The following GRIA2 variants were observed in gnomAD, a reference collection of about 807,000 sequenced individuals.
GRIA2 encodes the protein glutamate ionotropic receptor AMPA type subunit 2, also known as glutamate receptor 2.
Under a neutral mutation model 97.3 loss-of-function variants are expected in GRIA2, and 14 were observed. That is an observed-to-expected ratio of 0.14 (90% CI 0.10 to 0.23). The LOEUF is 0.23. GRIA2 is among the 10% of genes least tolerant of loss of function. The pLI, the probability that GRIA2 is intolerant of heterozygous loss-of-function variation, is 1.00. For missense variants in GRIA2, 558 were observed against 1,069.8 expected, an observed-to-expected ratio of 0.52 and a Z score of 6.67; for synonymous variants, 412 against 387.8, an observed-to-expected ratio of 1.06 and a Z score of -0.73.
chr4:157,340,060 T>C (rs1579376708), intron 11 of GRIA2, among the ~76,000 whole-genome samples: 1 of 151,922 alleles, frequency 6.6e-6, no homozygotes, highest in African/African-American at 2.4e-5. Context: ...CAAAAAACTT[T>C]TCATTTAAGT....
chr4:157,271,767 G>A (rs1732036152), intron 2 of GRIA2, among the ~76,000 whole-genome samples: 1 of 152,078 alleles, frequency 6.6e-6, no homozygotes. Context: ...CAGGCAATTA[G>A]CCTCTGTCCT....
At chr4:157,263,914 T>C (rs1044791683) in intron 2 of GRIA2, among the ~76,000 whole-genome samples, 3 of 152,120 alleles carry the variant, frequency 2.0e-5, no homozygotes, top group Admixed American at 6.6e-5. Context: ...TCTTTTCTAC[T>C]ATTTCTCTGT....
intron 12 of GRIA2, among the ~76,000 whole-genome samples, chr4:157,356,173 A>G (rs1232032596): frequency 2.3e-5 from 3 of 131,174 alleles, no homozygotes; most frequent in African/African-American, 8.7e-5. Flanking sequence ...ATATTTATAT[A>G]TATTTATATA....
intron 12 of GRIA2, among the ~76,000 whole-genome samples, chr4:157,355,732 A>G: frequency 9.6e-6 from 1 of 104,414 alleles, no homozygotes; most frequent in South Asian, 2.6e-4. Context: ...ATATTTATTT[A>G]TATATTTATT....
intron 3 of GRIA2, among the ~76,000 whole-genome samples, chr4:157,305,854 G>A (rs1048895565): frequency 1.3e-5 from 2 of 151,998 alleles, no homozygotes; most frequent in African/African-American, 4.8e-5. Flanking sequence ...CTGTCTTAGT[G>A]TCATAGGATA....
chr4:157,245,849 G>A (rs529115282), intron 2 of GRIA2, among the ~76,000 whole-genome samples: 2 of 151,964 alleles, frequency 1.3e-5, no homozygotes, highest in East Asian at 1.9e-4. Flanking sequence ...TCTATGCTTC[G>A]TCAGCATGGC....
chr4:157,222,412 A>C (rs1245350045), intron 2 of GRIA2, among the ~76,000 whole-genome samples: 1 of 152,094 alleles, frequency 6.6e-6, no homozygotes, highest in Admixed American at 6.5e-5. Context: ...GCTGTTACAT[A>C]ACGCCCACCC....
At chr4:157,342,260 A>C in intron 12 of GRIA2, 2 of 983,062 alleles carry the variant, frequency 2.0e-6, no homozygotes, top group African/African-American at 3.5e-5. Flanking sequence ...AGTCCAGCTT[A>C]TTCCGGAATT....
intron 2 of GRIA2, among the ~76,000 whole-genome samples, chr4:157,248,676 T>C (rs1402992354): frequency 7.0e-6 from 1 of 141,874 alleles, no homozygotes; most frequent in Non-Finnish European, 1.5e-5. Flanking sequence ...TATGCACGTG[T>C]CTATATACAC....
chr4:157,259,669 C>A (rs565932430), intron 2 of GRIA2, among the ~76,000 whole-genome samples: 1 of 152,044 alleles, frequency 6.6e-6, no homozygotes, highest in Non-Finnish European at 1.5e-5. Flanking sequence ...CCTTCCTGTC[C>A]ATTTTGTTTA....
chr4:157,228,646 A>T (rs532119496), intron 2 of GRIA2, among the ~76,000 whole-genome samples: 64 of 152,130 alleles, frequency 4.2e-4, no homozygotes, highest in African/African-American at 1.1e-3. Flanking sequence ...TACAAGAAGT[A>T]GCCAGGCGTG....
At chr4:157,350,852 C>T (rs1259951871) in intron 12 of GRIA2, among the ~76,000 whole-genome samples, 1 of 151,514 alleles carries the variant, frequency 6.6e-6, no homozygotes, top group Non-Finnish European at 1.5e-5. Flanking sequence ...CTCATGTATT[C>T]CATTCTATGA....
At chr4:157,225,210 C>T (rs1447910291) in intron 2 of GRIA2, among the ~76,000 whole-genome samples, 1 of 152,018 alleles carries the variant, frequency 6.6e-6, no homozygotes, top group Non-Finnish European at 1.5e-5. Context: ...ACTGAGCTCC[C>T]ACATCCTTCC....
intron 3 of GRIA2, among the ~76,000 whole-genome samples, chr4:157,306,141 T>G (rs1478727769): frequency 2.6e-5 from 4 of 152,206 alleles, no homozygotes; most frequent in Admixed American, 6.5e-5. Context: ...TAAGGTTGAC[T>G]GAGGATGGCA....
chr4:157,355,989 T>TTATATATATTTATGTATATTAA (rs1736323409), intron 12 of GRIA2, among the ~76,000 whole-genome samples: 3 of 81,014 alleles, frequency 3.7e-5, no homozygotes, highest in South Asian at 4.0e-4. Flanking sequence ...ATTTATATAT[T>TTATATATATTTATGTATATTAA]TATATATATT....
At chr4:157,322,452 C>G (rs1734620253) in intron 6 of GRIA2, among the ~76,000 whole-genome samples, 1 of 152,198 alleles carries the variant, frequency 6.6e-6, no homozygotes, top group Non-Finnish European at 1.5e-5. Context: ...GCTACACAGA[C>G]TGATCTTTGT....
chr4:157,263,137 A>G (rs1475320310), intron 2 of GRIA2, among the ~76,000 whole-genome samples: 1 of 152,112 alleles, frequency 6.6e-6, no homozygotes, highest in Admixed American at 6.6e-5. Flanking sequence ...CTTTGAGTGG[A>G]GAAGCCGAAA....
At chr4:157,251,918 G>A (rs1731037927) in intron 2 of GRIA2, among the ~76,000 whole-genome samples, 1 of 151,876 alleles carries the variant, frequency 6.6e-6, no homozygotes, top group African/African-American at 2.4e-5. Context: ...ACCCTATACG[G>A]GGATCTACAA....
intron 6 of GRIA2, among the ~76,000 whole-genome samples, chr4:157,329,799 A>G (rs1408977265): frequency 6.6e-6 from 1 of 151,888 alleles, no homozygotes; most frequent in Non-Finnish European, 1.5e-5. Flanking sequence ...AAAGTAACTA[A>G]CCATCCCAGT....
Sources: gnomAD v4.1 joint callset for allele counts (sites outside exome capture counted in the v4.1 genomes callset) on GRCh38, gnomAD v4.1.1 for gene constraint, MANE v1.5 for transcripts, NCBI Gene and HGNC (gene_info 2026-07-23, HGNC 2026-07-21) for gene names.